BAZ1A: variants seen among roughly 807,000 people sequenced by gnomAD.
BAZ1A encodes bromodomain adjacent to zinc finger domain 1A.
A neutral mutation model predicts 185.2 loss-of-function variants in BAZ1A; 50 were observed. That is an observed-to-expected ratio of 0.27 (90% CI 0.22 to 0.34). BAZ1A has a LOEUF of 0.34. Ranked by LOEUF, BAZ1A falls within the 10% of genes least tolerant of loss-of-function variation. BAZ1A has a pLI of 1.00. For synonymous variants in BAZ1A, 571 were observed against 615.6 expected (o/e 0.93, Z 1.07); for missense variants, 1,356 against 1,839.9 (o/e 0.74, Z 4.81).
intron 9 of BAZ1A, among the ~76,000 whole-genome samples, chr14:34,799,524 C>G (rs1305918651): frequency 1.3e-5 from 2 of 152,146 alleles, no homozygotes; most frequent in African/African-American, 2.4e-5. Context: ...ATAGAATTCT[C>G]TAAGGAATAT....
chr14:34,784,866 T>C (rs1261004051), intron 14 of BAZ1A, among the ~76,000 whole-genome samples: 3 of 151,694 alleles, frequency 2.0e-5, no homozygotes, highest in Non-Finnish European at 4.4e-5. Context: ...TGTTTTATTT[T>C]ACTTATTTGA....
At position 34,788,663 on chromosome 14, in the gene BAZ1A, T is replaced by A. The variant is rs555487003; in HGVS notation, c.1511-2442A>T. 5.0e-4 allele frequency among the ~76,000 whole-genome samples: 76 copies of A among 151,372 alleles called. No individual in the cohort carries two copies. In the East Asian group the frequency reaches 7.6e-3, roughly 15 times the overall value. ...TTTCAAATTCTTCCAAAAAAAAAAATTTTTTTTCTTGAAAACTCAATATAA... is the reference window on the plus strand; with the variant it reads ...TTTCAAATTCTTCCAAAAAAAAAAAATTTTTTTCTTGAAAACTCAATATAA... On this transcript the variant is annotated intron_variant, in intron 12 of 26. Transcript: ENST00000360310.
At chr14:34,819,795 A>T (rs1304127521) in intron 4 of BAZ1A, among the ~76,000 whole-genome samples, 2 of 152,186 alleles carry the variant, frequency 1.3e-5, no homozygotes, top group Non-Finnish European at 2.9e-5. Flanking sequence ...ATACCAAAGC[A>T]TGCAATTGCT....
intron 3 of BAZ1A, among the ~76,000 whole-genome samples, chr14:34,854,279 G>A (rs7140651): frequency 0.43 from 65,183 of 151,692 alleles, 14,404 homozygotes; most frequent in South Asian, 0.54. Context: ...AAAATTAGCC[G>A]GTCATGGTGG....
intron 24 of BAZ1A, 80 bp from the exon 25 acceptor site, chr14:34,758,926 AC>A (rs1441610412): frequency 2.1e-6 from 3 of 1,403,732 alleles, no homozygotes; most frequent in Non-Finnish European, 2.9e-6. Context: ...ATATATAAAT[AC>A]CAAATTCCAA....
intron 24 of BAZ1A, among the ~76,000 whole-genome samples, chr14:34,759,834 C>T (rs1886447717): frequency 6.6e-6 from 1 of 151,962 alleles, no homozygotes; most frequent in African/African-American, 2.4e-5. Flanking sequence ...GCTACCACAC[C>T]CAGCTAATTT....
At chr14:34,771,395 C>T (rs1052765795) in intron 21 of BAZ1A, 116 bp downstream of exon 21, 1 of 1,016,552 alleles carries the variant, frequency 9.8e-7, no homozygotes, top group African/African-American at 1.6e-5. Flanking sequence ...GAAAACATCT[C>T]AAGTTTTTAA....
chr14:34,827,944 A>T (rs1455470540), intron 3 of BAZ1A, among the ~76,000 whole-genome samples: 1 of 151,954 alleles, frequency 6.6e-6, no homozygotes, highest in East Asian at 1.9e-4. Flanking sequence ...TTTACTCTGC[A>T]TACTGTATCT....
chr14:34,874,700 G>T lies in BAZ1A; in HGVS notation c.-58-38C>A. On this transcript the variant is annotated intron_variant, in intron 1 of 26. Coordinates refer to ENST00000360310, the MANE Select transcript of BAZ1A (RefSeq NM_013448.3). This position sits in a 1 kb window ranked among gnomAD's most constrained non-coding sequence, Gnocchi z 4.7. Reference sequence around the variant, plus strand: ...GAGGGAAAGGAAAGCCGGTAAGGTGGGGAGCCCTCGGCGGCAGCGTGGGCC... The same window carrying T: ...GAGGGAAAGGAAAGCCGGTAAGGTGTGGAGCCCTCGGCGGCAGCGTGGGCC... 1 of 1,068,010 alleles carries T rather than the reference G, an allele frequency of 9.4e-7. No individual in the cohort carries two copies. Among genetic ancestry groups the T allele is most frequent in the Non-Finnish European group, 1.3e-6 (1 of 752,932 alleles). 66.2% of individuals were successfully genotyped at this position (1,068,010 alleles called of 1,614,324 possible). A position where few individuals can be genotyped will look rare whatever the true frequency, so the allele number is the denominator to read the frequency against.
At chr14:34,808,448 A>C (rs1005242594) in intron 5 of BAZ1A, among the ~76,000 whole-genome samples, 7 of 152,136 alleles carry the variant, frequency 4.6e-5, no homozygotes, top group African/African-American at 1.7e-4. Flanking sequence ...CAGTGAGCCG[A>C]GATCGTGCTG....
intron 4 of BAZ1A, among the ~76,000 whole-genome samples, chr14:34,813,841 G>A (rs2041965645): frequency 6.6e-6 from 1 of 152,012 alleles, no homozygotes; most frequent in South Asian, 2.1e-4. Flanking sequence ...AGTTTAGTTT[G>A]CGACTAGCCT....
At chr14:34,788,630 T>A (rs1880650249) in intron 12 of BAZ1A, among the ~76,000 whole-genome samples, 1 of 152,066 alleles carries the variant, frequency 6.6e-6, no homozygotes, top group Non-Finnish European at 1.5e-5. Context: ...TGACTCTGGA[T>A]CAGCAGCTTT....
intron 21 of BAZ1A, among the ~76,000 whole-genome samples, chr14:34,769,015 T>C (rs1435633042): frequency 1.3e-5 from 2 of 152,150 alleles, no homozygotes; most frequent in Admixed American, 6.5e-5. Flanking sequence ...GTAAGTAGAA[T>C]TTTTATTTCG....
chr14:34,796,482 T>C (rs1476612803), intron 9 of BAZ1A, among the ~76,000 whole-genome samples: 1 of 152,214 alleles, frequency 6.6e-6, no homozygotes, highest in Non-Finnish European at 1.5e-5. Context: ...TTCATTTGAA[T>C]CTGATAACAG....
chr14:34,873,347 G>A (rs2042982714), intron 2 of BAZ1A, among the ~76,000 whole-genome samples: 1 of 152,086 alleles, frequency 6.6e-6, no homozygotes, highest in South Asian at 2.1e-4. Flanking sequence ...AAAAAGAGAG[G>A]ATCACCCTCT....
At chr14:34,766,920 C>A (rs1196892343) in intron 21 of BAZ1A, among the ~76,000 whole-genome samples, 2 of 151,928 alleles carry the variant, frequency 1.3e-5, no homozygotes, top group Non-Finnish European at 2.9e-5. Flanking sequence ...TATAAAATAA[C>A]TTTAATATGT....
At chr14:34,855,891 G>A (rs1262262326) in intron 3 of BAZ1A, among the ~76,000 whole-genome samples, 3 of 152,104 alleles carry the variant, frequency 2.0e-5, no homozygotes, top group Admixed American at 1.3e-4. Context: ...TGACAAGAGT[G>A]AGAAACTATC....
intron 4 of BAZ1A, among the ~76,000 whole-genome samples, chr14:34,821,226 G>A (rs1388906224): frequency 6.6e-6 from 1 of 152,188 alleles, no homozygotes; most frequent in African/African-American, 2.4e-5. Context: ...GCCATGTGAT[G>A]CTGGGCAAAT....
chr14:34,817,520 G>A (rs778338297), intron 4 of BAZ1A, among the ~76,000 whole-genome samples: 7 of 152,178 alleles, frequency 4.6e-5, no homozygotes, highest in Non-Finnish European at 5.9e-5. Context: ...CCTGGGAGGC[G>A]GAGGTTGCAG....
Sources: gnomAD v4.1 joint callset for allele counts (sites outside exome capture counted in the v4.1 genomes callset) on GRCh38, gnomAD v4.1.1 for gene constraint, Gnocchi (gnomAD v3.1) non-coding constraint, MANE v1.5 for transcripts, NCBI Gene and HGNC (gene_info 2026-07-23, HGNC 2026-07-21) for gene names.